NFU1: variants seen among roughly 807,000 people sequenced by gnomAD.
NFU1 encodes NFU1 iron-sulfur cluster scaffold.
In NFU1, 30 loss-of-function variants were observed where a neutral mutation model predicts 32.2. That is an observed-to-expected ratio of 0.93 (90% CI 0.70 to 1.26). The LOEUF is 1.26. NFU1 is among the 50% of genes most tolerant of loss of function. The probability of loss-of-function intolerance (pLI) is 0.00; values close to 1 mark genes in which losing one functional copy is unlikely to be tolerated. For missense variants in NFU1, 306 were observed against 306.6 expected, an observed-to-expected ratio of 1.00 and a Z score of 0.02; for synonymous variants, 112 against 104.6, an observed-to-expected ratio of 1.07 and a Z score of -0.43.
upstream of NFU1, among the ~76,000 whole-genome samples, chr2:69,438,398 T>C (rs1558861490): frequency 6.6e-6 from 1 of 151,936 alleles, no homozygotes. Flanking sequence ...GGATTACAGG[T>C]GTGAGCCACG....
chr2:69,406,909 G>C (rs562281911), intron 5 of NFU1, among the ~76,000 whole-genome samples: 3 of 152,038 alleles, frequency 2.0e-5, no homozygotes. Flanking sequence ...TGCTGTTCTC[G>C]TGATAGTGAG....
chr2:69,435,814 G>A (rs1218348093), intron 1 of NFU1, among the ~76,000 whole-genome samples: 7 of 151,980 alleles, frequency 4.6e-5, no homozygotes, highest in East Asian at 1.9e-4. Flanking sequence ...GTGCAGTGGC[G>A]TGATCTTGGC....
At chr2:69,434,601 C>T (rs1196240674) in intron 1 of NFU1, among the ~76,000 whole-genome samples, 3 of 152,148 alleles carry the variant, frequency 2.0e-5, no homozygotes, top group African/African-American at 7.2e-5. Context: ...ATGCAATTTA[C>T]TTTAAAATCC....
At chr2:69,408,675 A>ACGC (rs1177357479) in intron 5 of NFU1, among the ~76,000 whole-genome samples, 4 of 150,552 alleles carry the variant, frequency 2.7e-5, no homozygotes, top group Non-Finnish European at 4.4e-5. Context: ...AGCTGAGATC[A>ACGC]CGCCACTGCA....
chr2:69,427,217 C>T (rs1673489067), intron 2 of NFU1, among the ~76,000 whole-genome samples: 2 of 150,960 alleles, frequency 1.3e-5, no homozygotes, highest in South Asian at 2.1e-4. Flanking sequence ...GAAACCCCGT[C>T]TCTACTAAAA....
At chr2:69,437,150 C>T in intron 1 of NFU1, 1 of 1,106,042 alleles carries the variant, frequency 9.0e-7, no homozygotes, top group Non-Finnish European at 1.3e-6. Context: ...AGAGGAAGCT[C>T]CAGAGAGTCC....
intron 5 of NFU1, 149 bp from the exon 6 acceptor site, chr2:69,406,231 T>C: frequency 1.7e-6 from 1 of 603,468 alleles, no homozygotes; most frequent in Non-Finnish European, 2.9e-6. Flanking sequence ...AGATATATTT[T>C]GGGAAATTGA....
intron 2 of NFU1, among the ~76,000 whole-genome samples, chr2:69,430,774 T>C (rs943265368): frequency 6.6e-6 from 1 of 152,252 alleles, no homozygotes; most frequent in East Asian, 1.9e-4. Context: ...CAGGCAAGCC[T>C]GCAGGAAAGT....
At chr2:69,430,184 G>C (rs1016235040) in intron 2 of NFU1, among the ~76,000 whole-genome samples, 4 of 151,256 alleles carry the variant, frequency 2.6e-5, no homozygotes, top group African/African-American at 9.7e-5. Flanking sequence ...CTTACAACAG[G>C]AAACAGGACA....
chr2:69,408,182 T>C (rs1361670288), intron 5 of NFU1, among the ~76,000 whole-genome samples: 1 of 152,198 alleles, frequency 6.6e-6, no homozygotes, highest in Non-Finnish European at 1.5e-5. Context: ...CGTGTTTACA[T>C]TTACATGTAT....
upstream of NFU1, among the ~76,000 whole-genome samples, chr2:69,437,872 C>T (rs968065123): frequency 2.6e-5 from 4 of 152,192 alleles, no homozygotes; most frequent in Admixed American, 2.0e-4. Flanking sequence ...ATTTCTCCTG[C>T]CCTTTTCCCA....
At chr2:69,412,271 G>C (rs558936328) in intron 5 of NFU1, among the ~76,000 whole-genome samples, 2 of 151,804 alleles carry the variant, frequency 1.3e-5, no homozygotes, top group Admixed American at 1.3e-4. Context: ...GGATGGTCTC[G>C]ATCTCTTAAC....
intron 6 of NFU1, among the ~76,000 whole-genome samples, chr2:69,400,771 G>A (rs1044586678): frequency 6.6e-6 from 1 of 151,172 alleles, no homozygotes; most frequent in African/African-American, 2.4e-5. Flanking sequence ...TCCGCTTACC[G>A]CATTTGATCT....
chr2:69,398,528 C>A (rs1478917973), intron 7 of NFU1, among the ~76,000 whole-genome samples: 4 of 152,186 alleles, frequency 2.6e-5, no homozygotes, highest in Admixed American at 6.5e-5. Flanking sequence ...CCTAAACAAA[C>A]ACATACTTAG....
chr2:69,427,258 G>C (rs1338641445), intron 2 of NFU1, among the ~76,000 whole-genome samples: 1 of 151,412 alleles, frequency 6.6e-6, no homozygotes, highest in Non-Finnish European at 1.5e-5. Context: ...GGTGGCAGGC[G>C]CCTGTAATCC....
intron 6 of NFU1, among the ~76,000 whole-genome samples, chr2:69,403,751 G>A (rs1292648608): frequency 1.3e-5 from 2 of 151,740 alleles, no homozygotes; most frequent in African/African-American, 4.8e-5. Context: ...ATTTTCTACT[G>A]ACTTAAATTC....
At chr2:69,435,150 T>C (rs1007303676) in intron 1 of NFU1, among the ~76,000 whole-genome samples, 4 of 152,226 alleles carry the variant, frequency 2.6e-5, no homozygotes, top group Admixed American at 6.5e-5. Flanking sequence ...TGGTGGTCTT[T>C]CATTAGCTTT....
intron 3 of NFU1, among the ~76,000 whole-genome samples, chr2:69,420,234 C>G (rs1042646520): frequency 6.6e-6 from 1 of 152,018 alleles, no homozygotes; most frequent in African/African-American, 2.4e-5. Flanking sequence ...CAACTCCTGA[C>G]CTCAGGTGAT....
chr2:69,396,404 A>G, intron 7 of NFU1, 114 bp from the exon 8 acceptor site: 1 of 705,882 alleles, frequency 1.4e-6, no homozygotes, highest in Non-Finnish European at 2.4e-6. Context: ...AGGCATGACA[A>G]GCCAGTAAGA....
Sources: allele counts gnomAD v4.1 joint callset (sites outside exome capture counted in the v4.1 genomes callset), GRCh38; gene constraint gnomAD v4.1.1; transcripts MANE v1.5; gene names NCBI Gene and HGNC (gene_info 2026-07-23, HGNC 2026-07-21).